MRPS28: variants seen among roughly 807,000 people sequenced by gnomAD.
MRPS28 encodes the protein small ribosomal subunit protein bS1m.
A neutral mutation model predicts 10.8 loss-of-function variants in MRPS28; 7 were observed. The ratio of observed to expected loss-of-function variants is 0.65; its 90% CI spans 0.37 to 1.22. MRPS28 has a LOEUF of 1.22. Ranked by LOEUF, MRPS28 falls within the 50% of genes most tolerant of loss-of-function variation. MRPS28 has a pLI of 0.02. For missense variants in MRPS28, 265 were observed against 232.9 expected (o/e 1.14, Z -0.90); for synonymous variants, 121 against 93.3 (o/e 1.30, Z -1.71).
chr8:79,930,901 T>G (rs924091644), intron 2 of MRPS28, among the ~76,000 whole-genome samples: 1 of 152,178 alleles, frequency 6.6e-6, no homozygotes, highest in African/African-American at 2.4e-5. Flanking sequence ...ATAAAAAATA[T>G]CAAACCATCT....
chr8:80,029,974 AC>A, intron 1 of MRPS28, 61 bp downstream of exon 1: 1 of 1,572,436 alleles, frequency 6.4e-7, no homozygotes. Flanking sequence ...CCTATTCCCG[AC>A]CCCGCCCACC....
At chr8:79,952,667 C>T (rs184161687) in intron 2 of MRPS28, among the ~76,000 whole-genome samples, 34 of 152,120 alleles carry the variant, frequency 2.2e-4, no homozygotes, top group Non-Finnish European at 4.4e-4. Context: ...AAGAGTCCCA[C>T]GCCATCAACA....
At chr8:79,987,486 G>T (rs532726541) in intron 2 of MRPS28, among the ~76,000 whole-genome samples, 2 of 152,054 alleles carry the variant, frequency 1.3e-5, no homozygotes, top group Admixed American at 1.3e-4. Flanking sequence ...AGAGTGAACA[G>T]GCAACCTACA....
At chr8:79,998,628 T>C (rs1375105237) in intron 2 of MRPS28, among the ~76,000 whole-genome samples, 1 of 152,186 alleles carries the variant, frequency 6.6e-6, no homozygotes, top group Non-Finnish European at 1.5e-5. Context: ...AGAGCTATAA[T>C]ACATAAAACA....
At chr8:79,934,940 C>T (rs918296181) in intron 2 of MRPS28, among the ~76,000 whole-genome samples, 20 of 152,162 alleles carry the variant, frequency 1.3e-4, no homozygotes, top group African/African-American at 4.3e-4. Context: ...TGTTGAATTA[C>T]ATTAAATAAA....
intron 2 of MRPS28, among the ~76,000 whole-genome samples, chr8:79,929,101 C>G (rs545190333): frequency 5.3e-5 from 8 of 152,176 alleles, no homozygotes; most frequent in South Asian, 2.1e-4. Flanking sequence ...AGTTCATACT[C>G]TTTATTAAAA....
At chr8:79,990,786 G>A (rs1308441646) in intron 2 of MRPS28, among the ~76,000 whole-genome samples, 4 of 149,850 alleles carry the variant, frequency 2.7e-5, no homozygotes, top group Non-Finnish European at 5.9e-5. Flanking sequence ...TCAGGAGATT[G>A]AGACCATCCT....
chr8:80,014,329 CAA>C (rs1809139376), intron 1 of MRPS28, among the ~76,000 whole-genome samples: 1 of 152,076 alleles, frequency 6.6e-6, no homozygotes, highest in Non-Finnish European at 1.5e-5. Context: ...AAAAATCAAA[CAA>C]ATTGTACAGA....
chr8:79,953,313 A>G (rs184823379), intron 2 of MRPS28, among the ~76,000 whole-genome samples: 1 of 152,372 alleles, frequency 6.6e-6, no homozygotes, highest in African/African-American at 2.4e-5. Context: ...TCAAAGGCAG[A>G]GGGTTCTACC....
At chr8:79,948,241 C>T (rs1330495612) in intron 2 of MRPS28, among the ~76,000 whole-genome samples, 1 of 152,126 alleles carries the variant, frequency 6.6e-6, no homozygotes, top group African/African-American at 2.4e-5. Context: ...CCCACCTTGG[C>T]CTCCCAAAGT....
intron 2 of MRPS28, among the ~76,000 whole-genome samples, chr8:79,948,519 T>A (rs1806989174): frequency 6.6e-6 from 1 of 152,224 alleles, no homozygotes. Context: ...GAGTAAAAAG[T>A]TAAAAAGAAT....
At chr8:79,929,015 C>A in intron 2 of MRPS28, among the ~76,000 whole-genome samples, 1 of 152,124 alleles carries the variant, frequency 6.6e-6, no homozygotes, top group East Asian at 1.9e-4. Context: ...TACTGCACTC[C>A]AGCCTGAGTA....
intron 2 of MRPS28, among the ~76,000 whole-genome samples, chr8:79,920,832 CT>C (rs1056345276): frequency 3.9e-5 from 6 of 152,124 alleles, no homozygotes; most frequent in Non-Finnish European, 8.8e-5. Flanking sequence ...GTTGCCATTG[CT>C]TTTGGTGTTT....
At chr8:80,009,388 C>T (rs1808962756) in intron 1 of MRPS28, among the ~76,000 whole-genome samples, 1 of 151,654 alleles carries the variant, frequency 6.6e-6, no homozygotes, top group South Asian at 2.1e-4. Context: ...AACAAACCTG[C>T]ACATTGTGCA....
chr8:80,027,721 C>A (rs750577946), intron 1 of MRPS28, among the ~76,000 whole-genome samples: 4 of 152,178 alleles, frequency 2.6e-5, no homozygotes, highest in African/African-American at 4.8e-5. Context: ...ACTTGCTGAA[C>A]GGAGACTACA....
At chr8:79,981,994 C>G (rs1807967986) in intron 2 of MRPS28, among the ~76,000 whole-genome samples, 1 of 152,004 alleles carries the variant, frequency 6.6e-6, no homozygotes, top group Admixed American at 6.5e-5. Context: ...GCCTGTAATC[C>G]CAGCACTTTG....
chr8:79,980,981 GC>G (rs1807937569), intron 2 of MRPS28, among the ~76,000 whole-genome samples: 1 of 152,150 alleles, frequency 6.6e-6, no homozygotes, highest in Non-Finnish European at 1.5e-5. Flanking sequence ...GGAATGCTTT[GC>G]TTCAAACTTC....
chr8:79,939,745 C>T lies in MRPS28; in HGVS notation c.396-20597G>A, dbSNP rs531671979. Among the ~76,000 whole-genome samples the T allele has an allele frequency of 2.6e-4, 40 of 151,952 alleles. No individual in the cohort carries two copies. In the East Asian group the frequency reaches 6.4e-3, roughly 24 times the overall value. On this transcript the variant is annotated intron_variant, in intron 2 of 2. Transcript: ENST00000276585. Reference sequence around the variant, plus strand: ...CAGCACTTTGGGAGGCCGAGGCAGGCGGATCACGAGGTCAGGAGATCGAGA... The same window carrying T: ...CAGCACTTTGGGAGGCCGAGGCAGGTGGATCACGAGGTCAGGAGATCGAGA...
intron 2 of MRPS28, among the ~76,000 whole-genome samples, chr8:79,972,006 C>T (rs1419132698): frequency 6.6e-6 from 1 of 152,138 alleles, no homozygotes; most frequent in Non-Finnish European, 1.5e-5. Flanking sequence ...AGCCCCATTA[C>T]TTTTTAATGG....
Sources: gnomAD v4.1 joint callset for allele counts (sites outside exome capture counted in the v4.1 genomes callset) on GRCh38, gnomAD v4.1.1 for gene constraint, MANE v1.5 for transcripts, NCBI Gene and HGNC (gene_info 2026-07-23, HGNC 2026-07-21) for gene names.